GABBR1: variants seen among roughly 807,000 people sequenced by gnomAD.
The protein encoded by GABBR1 is gamma-aminobutyric acid type B receptor subunit 1.
In GABBR1, 35 loss-of-function variants were observed where a neutral mutation model predicts 117.7. The ratio of observed to expected loss-of-function variants is 0.30; its 90% CI spans 0.23 to 0.39. GABBR1 has a LOEUF of 0.39. GABBR1 is among the 10% of genes least tolerant of loss of function. The pLI is 1.00. For synonymous variants in GABBR1, 442 were observed against 486.6 expected, an observed-to-expected ratio of 0.91 and a Z score of 1.21; for missense variants, 709 against 1,241.8, an observed-to-expected ratio of 0.57 and a Z score of 6.45.
chr6:29,632,478 G>T lies in GABBR1; in HGVS notation c.1-93C>A, dbSNP rs1765104375. On this transcript the variant is annotated intron_variant, in intron 1 of 22. Coordinates refer to ENST00000377034, the MANE Select transcript of GABBR1 (RefSeq NM_001470.4). This position sits in a 1 kb window ranked among gnomAD's most constrained non-coding sequence, Gnocchi z 5.8. ...CGACCTCTTGCCGGTTGCCTCGCAGGCTCCGACCGGGCTCAGCCTGGGGAC... is the reference window on the plus strand; with the variant it reads ...CGACCTCTTGCCGGTTGCCTCGCAGTCTCCGACCGGGCTCAGCCTGGGGAC... 1 of 1,122,314 alleles carries T rather than the reference G, an allele frequency of 8.9e-7. No homozygotes were observed. Among genetic ancestry groups the T allele is most frequent in the Non-Finnish European group, 1.2e-6 (1 of 844,224 alleles). 69.5% of individuals were successfully genotyped at this position (1,122,314 alleles called of 1,614,324 possible). A position where few individuals can be genotyped will look rare whatever the true frequency, so the allele number is the denominator to read the frequency against.
In GABBR1 at chr6:29,623,222, C is replaced by A; in HGVS notation, c.963+83G>T. 7.8e-7 allele frequency: 1 copy of A among 1,280,504 alleles called. No homozygotes were observed. Among genetic ancestry groups the A allele is most frequent in the South Asian group, 1.4e-5 (1 of 69,864 alleles). 79.3% of individuals were successfully genotyped at this position (1,280,504 alleles called of 1,614,324 possible). A position where few individuals can be genotyped will look rare whatever the true frequency, so the allele number is the denominator to read the frequency against. ...TTCAATGAAGAATCAAGTTCTTGCC[C>A]CTAAAAGTGACTCTCACGTCACATC... On this transcript the variant is annotated intron_variant, in intron 8 of 22. Coordinates refer to ENST00000377034, the MANE Select transcript of GABBR1 (RefSeq NM_001470.4). This position sits in a 1 kb window ranked among gnomAD's most constrained non-coding sequence, Gnocchi z 6.2.
At chr6:29,610,460 A>C (rs1472829543) in intron 14 of GABBR1, among the ~76,000 whole-genome samples, 1 of 152,218 alleles carries the variant, frequency 6.6e-6, no homozygotes, top group East Asian at 1.9e-4. Flanking sequence ...TTAAAAATAC[A>C]TATAAAAATA....
chr6:29,611,141 G>C lies in GABBR1; in HGVS notation c.1631-140C>G. 1 of 625,878 alleles carries C rather than the reference G, an allele frequency of 1.6e-6. No homozygotes were observed. The highest frequency in any genetic ancestry group is 2.8e-6 in the Non-Finnish European group (1 of 357,444). The allele number at this position is 625,878 out of a possible 1,614,324, so 38.8% of individuals were successfully genotyped here. A position where few individuals can be genotyped will look rare whatever the true frequency, so the allele number is the denominator to read the frequency against. On this transcript the variant is annotated intron_variant, in intron 13 of 22. Coordinates refer to ENST00000377034, the MANE Select transcript of GABBR1 (RefSeq NM_001470.4). The surrounding 1 kb of genome is among the most constrained non-coding windows in gnomAD (Gnocchi z 4.6). The stretch of plus-strand genomic sequence containing the variant: ...CCTGAGGCCCTAAGGATGCTTGGAA[G>C]GACCTACGAGACTCTTGAATCAGCA...
Position 29,627,952 on chromosome 6 carries a change from C to T in GABBR1, c.497-306G>A. 7.4e-7 allele frequency: 1 copy of T among 1,351,906 alleles called. No homozygotes were observed. Among genetic ancestry groups the T allele is most frequent in the Non-Finnish European group, 9.4e-7 (1 of 1,061,300 alleles). The allele number at this position is 1,351,906 out of a possible 1,614,324, so 83.7% of individuals were successfully genotyped here. On this transcript the variant is annotated intron_variant, in intron 5 of 22. Transcript: ENST00000377034. The surrounding 1 kb of genome is among the most constrained non-coding windows in gnomAD (Gnocchi z 4.4). ...CGGAGAAGCAGGGAAGGTTGGCTTCCTACGGCCCCCGCGGCTCTCGCCACC... is the reference window on the plus strand; with the variant it reads ...CGGAGAAGCAGGGAAGGTTGGCTTCTTACGGCCCCCGCGGCTCTCGCCACC...
intron 14 of GABBR1, 68 bp downstream of exon 14, chr6:29,610,856 C>T: frequency 7.3e-7 from 1 of 1,372,112 alleles, no homozygotes; most frequent in South Asian, 1.2e-5. Flanking sequence ...CATCCTCACT[C>T]AAAGGCATGA....
chr6:29,626,489 G>A (rs1370554175), intron 6 of GABBR1, among the ~76,000 whole-genome samples: 2 of 151,904 alleles, frequency 1.3e-5, no homozygotes, highest in East Asian at 3.9e-4. Context: ...AATTATTCAT[G>A]TAGGGGAGAG....
chr6:29,624,663 A>G (rs1321292504), intron 6 of GABBR1, among the ~76,000 whole-genome samples: 1 of 152,118 alleles, frequency 6.6e-6, no homozygotes, highest in African/African-American at 2.4e-5. Context: ...GTAGGGAAGA[A>G]TGTAGGATGA....
At position 29,621,329 on chromosome 6, in the gene GABBR1, T is replaced by C. The variant is rs1174488881; in HGVS notation, c.1132-37A>G. The C allele has an allele frequency of 6.4e-7, 1 of 1,569,490 alleles. No individual in the cohort carries two copies. Among genetic ancestry groups the C allele is most frequent in the Non-Finnish European group, 8.7e-7 (1 of 1,147,042 alleles). On this transcript the variant is annotated intron_variant, in intron 10 of 22. Transcript: ENST00000377034. This position sits in a 1 kb window ranked among gnomAD's most constrained non-coding sequence, Gnocchi z 5.0. ...GGAGAATGGCTGAGTTTTTGTTTGC[T>C]CATTTGTTTGTTTTTGTCTTATCTC...
At chr6:29,608,504 T>A in intron 16 of GABBR1, 97 bp downstream of exon 16, 1 of 1,304,098 alleles carries the variant, frequency 7.7e-7, no homozygotes, top group Non-Finnish European at 1.1e-6. Context: ...CAGGGAAAGC[T>A]GAGGAGGAAG....
intron 11 of GABBR1, among the ~76,000 whole-genome samples, chr6:29,615,089 C>A (rs1366108456): frequency 6.7e-6 from 1 of 148,852 alleles, no homozygotes; most frequent in Non-Finnish European, 1.5e-5. Flanking sequence ...AGTTAAAGAC[C>A]AGCTGGGCAA....
intron 5 of GABBR1, chr6:29,628,173 A>G: frequency 4.6e-6 from 2 of 432,216 alleles, no homozygotes; most frequent in African/African-American, 3.6e-5. Flanking sequence ...GGTGGGAGCG[A>G]CAGTCGGAGG....
In GABBR1 at chr6:29,609,268, A is replaced by G; in HGVS notation, c.1820T>C (p.Val607Ala). 3 of 1,612,992 alleles carry G rather than the reference A, an allele frequency of 1.9e-6. No homozygotes were observed. Among genetic ancestry groups the G allele is most frequent in the Non-Finnish European group, 2.5e-6 (3 of 1,179,966 alleles). ...GTAGATGTTAAAGGACAGACAGACA[A>G]CAGCTAGGACAATGCCCAGGCTGGA... ...VLSSLGIVLA[V>A]VCLSFNIYNS... The change falls in exon 15 of 23, where the codon GTT (valine) becomes GCT (alanine). Residue 607 changes from valine (V) to alanine (A), a missense_variant. This residue lies in a region of GABBR1 where 251 missense variants were observed against 445.3 expected (regional missense o/e 0.56). Transcript: ENST00000377034. The surrounding 1 kb of genome is among the most constrained non-coding windows in gnomAD (Gnocchi z 4.3).
chr6:29,629,128 G>T (rs764901198), intron 4 of GABBR1, 21 bp from the exon 5 acceptor site: 2 of 1,612,948 alleles, frequency 1.2e-6, no homozygotes, highest in Non-Finnish European at 8.5e-7. Flanking sequence ...GAAAGACGGG[G>T]ATCAGAGAAG....
Position 29,607,429 on chromosome 6 carries a change from A to G in GABBR1, c.1993-211T>C, listed in dbSNP as rs1762076815. ...GAACAATTCCTCCCATCCACCCTCT[A>G]CTTCCACACCACCAGGGTGATCTTG... On this transcript the variant is annotated intron_variant, in intron 16 of 22. Transcript: ENST00000377034. This position sits in a 1 kb window ranked among gnomAD's most constrained non-coding sequence, Gnocchi z 5.0. 6.6e-6 allele frequency among the ~76,000 whole-genome samples: 1 copy of G among 152,068 alleles called. No homozygotes were observed. The highest frequency in any genetic ancestry group is 1.5e-5 in the Non-Finnish European group (1 of 67,992).
intron 11 of GABBR1, among the ~76,000 whole-genome samples, chr6:29,618,906 C>G (rs1229180385): frequency 6.6e-6 from 1 of 152,192 alleles, no homozygotes; most frequent in Non-Finnish European, 1.5e-5. Flanking sequence ...TCCCCTACCC[C>G]CAACTGTAAC....
In GABBR1 at chr6:29,630,688, G is replaced by T. The variant is rs777156047; in HGVS notation, c.290-45C>A. The T allele has an allele frequency of 5.4e-5, 84 of 1,543,436 alleles. No individual in the cohort carries two copies. The highest frequency in any genetic ancestry group is 3.4e-4 in the Middle Eastern group (2 of 5,892). On this transcript the variant is annotated intron_variant, in intron 3 of 22. Transcript: ENST00000377034. The surrounding 1 kb of genome is among the most constrained non-coding windows in gnomAD (Gnocchi z 4.9). The stretch of plus-strand genomic sequence containing the variant: ...TAAGAAGAGAGGCGAGTTGAAGAAG[G>T]CTCTTTCCCTTTAAAGAGCAGGGGA...
chr6:29,630,430 G>A lies in GABBR1; in HGVS notation c.475+28C>T. The A allele has an allele frequency of 6.3e-7, 1 of 1,595,928 alleles. No individual in the cohort carries two copies. The highest frequency in any genetic ancestry group is 8.6e-7 in the Non-Finnish European group (1 of 1,165,724). ...CATCCTCACACAAGCGTCCTCATCAGCTGCATGCAGGCAGCTGTTCCCCTC... is the reference window on the plus strand; with the variant it reads ...CATCCTCACACAAGCGTCCTCATCAACTGCATGCAGGCAGCTGTTCCCCTC... On this transcript the variant is annotated intron_variant, in intron 4 of 22. Coordinates refer to ENST00000377034, the MANE Select transcript of GABBR1 (RefSeq NM_001470.4). The surrounding 1 kb of genome is among the most constrained non-coding windows in gnomAD (Gnocchi z 4.9).
At chr6:29,619,502 AC>A in intron 11 of GABBR1, among the ~76,000 whole-genome samples, 1 of 152,050 alleles carries the variant, frequency 6.6e-6, no homozygotes, top group Non-Finnish European at 1.5e-5. Context: ...TATGTCCCTA[AC>A]CATCTCTCTG....
intron 11 of GABBR1, among the ~76,000 whole-genome samples, chr6:29,619,289 T>C (rs995867962): frequency 1.3e-5 from 2 of 152,260 alleles, no homozygotes; most frequent in Non-Finnish European, 2.9e-5. Flanking sequence ...TTGTGCTGTT[T>C]GATTAATCTA....
Sources: gnomAD v4.1 joint callset for allele counts (sites outside exome capture counted in the v4.1 genomes callset) on GRCh38, gnomAD v4.1.1 for gene constraint, gnomAD v4.1.1 regional missense constraint, Gnocchi (gnomAD v3.1) non-coding constraint, MANE v1.5 for transcripts, NCBI Gene and HGNC (gene_info 2026-07-23, HGNC 2026-07-21) for gene names.